ZNF573: variants seen among roughly 807,000 people sequenced by gnomAD.
ZNF573 encodes the protein zinc finger protein 573.
In ZNF573, 41 loss-of-function variants were observed where a neutral mutation model predicts 57.4. The observed-to-expected ratio is 0.71, with a 90% CI of 0.56 to 0.93. The LOEUF (loss-of-function observed/expected upper bound fraction) is 0.93. Among genes scored for constraint, ZNF573 ranks in the 40% least tolerant of loss-of-function variants. ZNF573 has a pLI of 0.00. For missense variants in ZNF573, 730 were observed against 794.8 expected, an observed-to-expected ratio of 0.92 and a Z score of 0.98; for synonymous variants, 249 against 261.0, an observed-to-expected ratio of 0.95 and a Z score of 0.44.
At chr19:37,745,437 G>A (rs1462795791) in intron 4 of ZNF573, among the ~76,000 whole-genome samples, 1 of 150,764 alleles carries the variant, frequency 6.6e-6, no homozygotes, top group African/African-American at 2.4e-5. Flanking sequence ...TGGCTCTGTT[G>A]CCCAGGCTGG....
At chr19:37,772,747 C>A (rs2045670699) in intron 2 of ZNF573, among the ~76,000 whole-genome samples, 1 of 151,968 alleles carries the variant, frequency 6.6e-6, no homozygotes, top group Admixed American at 6.6e-5. Context: ...AATCCTCCTG[C>A]CATAGCCTCC....
In ZNF573 at chr19:37,758,138, A is replaced by G. The variant is rs189882892; in HGVS notation, c.295+11867T>C. Among the ~76,000 whole-genome samples the G allele has an allele frequency of 9.0e-3, 1,312 of 145,764 alleles. 6 individuals carry two copies. Among genetic ancestry groups the G allele is most frequent in the Non-Finnish European group, 0.014 (942 of 66,804 alleles). ...TGGGTGCAGCACACCAACATGGCAC[A>G]TGTATACATATGTAACAAACCTCCA... On this transcript the variant is annotated intron_variant, in intron 4 of 4. Transcript: ENST00000536220.
intron 1 of ZNF573, among the ~76,000 whole-genome samples, chr19:37,778,045 A>AAAAAAAAAG (rs71177476): frequency 7.2e-6 from 1 of 138,138 alleles, no homozygotes. Flanking sequence ...AAAAAAAAAA[A>AAAAAAAAAG]GTAATATTTA....
rs768752979 is a variant in ZNF573, at chr19:37,738,540, A to AC, written c.1949dup (p.Ser651PhefsTer4). On this transcript the variant is annotated frameshift_variant, in exon 5 of 5. Coordinates refer to ENST00000536220, the MANE Select transcript of ZNF573 (RefSeq NM_001172690.2). LOFTEE classifies it high-confidence loss of function. Reference sequence around the variant, plus strand: ...TTCTCTGATGGGCTTTAAGGGCTGAACCATATCTGAAGGTTTTCCCACACT... The same window carrying AC: ...TTCTCTGATGGGCTTTAAGGGCTGAACCCATATCTGAAGGTTTTCCCACACT... 1 of 1,570,122 alleles carries AC rather than the reference A, an allele frequency of 6.4e-7. No homozygotes were observed. The highest frequency in any genetic ancestry group is 1.2e-5 in the South Asian group (1 of 82,076).
intron 4 of ZNF573, among the ~76,000 whole-genome samples, chr19:37,763,859 T>C (rs1002161363): frequency 6.6e-6 from 1 of 150,622 alleles, no homozygotes; most frequent in Non-Finnish European, 1.5e-5. Context: ...AGTTTGGGAG[T>C]TCAAGACAAG....
At chr19:37,754,519 CAAAAA>C (rs11316334) in intron 4 of ZNF573, among the ~76,000 whole-genome samples, 1 of 85,556 alleles carries the variant, frequency 1.2e-5, no homozygotes, top group East Asian at 3.7e-4. Context: ...GACTCCACCT[CAAAAA>C]AAAAAAAAAA....
rs772940795 is a variant in ZNF573, at chr19:37,738,934, A to T, written c.1556T>A (p.Ile519Asn). 5 of 1,610,560 alleles carry T rather than the reference A, an allele frequency of 3.1e-6. No individual in the cohort carries two copies. In the East Asian group the frequency reaches 1.1e-4, roughly 36 times the overall value. The change falls in exon 5 of 5, where the codon ATT becomes AAT. Residue 519 changes from isoleucine (I) to asparagine (N), a missense_variant. Transcript: ENST00000536220. ...TTCATAGGGTTTCATACCAGTATGAATTTTCTGATGTTGATTAAGATATCC... is the reference window on the plus strand; with the variant it reads ...TTCATAGGGTTTCATACCAGTATGATTTTTCTGATGTTGATTAAGATATCC... ...LHGYLNQHQK[I>N]HTGMKPYECK...
rs1168793485 is a variant in ZNF573 at position 37,738,807 on chromosome 19, C to A, written c.1683G>T (p.Lys561Asn). ...TAAGGTGTGAACTACGTCTAAAGGT[C>A]TTCCCACATTCCTTACATTCAAAAG... ...EKPFECKECGKTFRRSSHLTA... is the reference protein window; with the variant it reads ...EKPFECKECGNTFRRSSHLTA... The change falls in exon 5 of 5, where the codon AAG (lysine) becomes AAT (asparagine). Residue 561 changes from lysine to asparagine, a missense_variant. Transcript: ENST00000536220. 2 of 1,613,846 alleles carry A rather than the reference C, an allele frequency of 1.2e-6. No homozygotes were observed. Among genetic ancestry groups the A allele is most frequent in the Non-Finnish European group, 1.7e-6 (2 of 1,180,004 alleles).
At chr19:37,745,633 T>C (rs1041109141) in intron 4 of ZNF573, among the ~76,000 whole-genome samples, 1 of 152,000 alleles carries the variant, frequency 6.6e-6, no homozygotes, top group Admixed American at 6.6e-5. Flanking sequence ...TGAACTCAAA[T>C]GATCTGCCCG....
intron 4 of ZNF573, among the ~76,000 whole-genome samples, chr19:37,744,634 G>C (rs1037178931): frequency 6.6e-6 from 1 of 151,348 alleles, no homozygotes; most frequent in Non-Finnish European, 1.5e-5. Context: ...CCAGATATTC[G>C]GGAGGGCAAG....
rs2045312697 is a variant in ZNF573, at chr19:37,740,115, C to T, written c.375G>A (p.Gln125=). Residue 125 remains glutamine, a synonymous_variant, in exon 5 of 5, where the codon CAG becomes CAA. Coordinates refer to ENST00000536220, the MANE Select transcript of ZNF573 (RefSeq NM_001172690.2). The stretch of plus-strand genomic sequence containing the variant: ...AGAGTTTCTCTCTCTTATATATGCT[C>T]TGAAGTTGTGTAGAGGATATATCTG... ...YETDISSTQL[Q]SIYKREKLYE... 1.9e-6 allele frequency: 3 copies of T among 1,613,704 alleles called. No homozygotes were observed. The highest frequency in any genetic ancestry group is 2.5e-6 in the Non-Finnish European group (3 of 1,179,904).
At chr19:37,755,072 CCATT>C (rs1455010412) in intron 4 of ZNF573, 1 of 152,338 alleles carries the variant, frequency 6.6e-6, no homozygotes, top group East Asian at 1.9e-4. Flanking sequence ...CGGGTTCACG[CCATT>C]CTCCTGCCTC....
At chr19:37,775,708 C>A in intron 1 of ZNF573, among the ~76,000 whole-genome samples, 1 of 151,764 alleles carries the variant, frequency 6.6e-6, no homozygotes. Flanking sequence ...CCAAAAAGCC[C>A]CTAGATCTGA....
chr19:37,764,300 AGTTTTTTTTTGTTTTTTTTTTTTGTT>A (rs754654183), intron 4 of ZNF573, among the ~76,000 whole-genome samples: 143 of 150,462 alleles, frequency 9.5e-4, no homozygotes, highest in South Asian at 4.2e-3. Flanking sequence ...GTATACTTAG[AGTTTTTTTTTGTTTTTTTTTTTTGTT>A]GTTTTTTTTT....
intron 1 of ZNF573, among the ~76,000 whole-genome samples, chr19:37,777,586 G>A: frequency 6.6e-6 from 1 of 152,120 alleles, no homozygotes; most frequent in South Asian, 2.1e-4. Context: ...ATGAGTGGAA[G>A]CTAAGCTATG....
At chr19:37,746,550 C>G (rs548800626) in intron 4 of ZNF573, among the ~76,000 whole-genome samples, 1 of 152,172 alleles carries the variant, frequency 6.6e-6, no homozygotes, top group African/African-American at 2.4e-5. Context: ...TGTAAGCATA[C>G]ATCGGCGAAT....
rs765746158 is a variant in ZNF573, at chr19:37,738,702, G to A, written c.1788C>T (p.Tyr596=). ...TATGAATTTTCTGATGTTGGGTAAGGTAGCCATACATTTTAAAGGCCTTTC... is the reference window on the plus strand; with the variant it reads ...TATGAATTTTCTGATGTTGGGTAAGATAGCCATACATTTTAAAGGCCTTTC... ...ECGKAFKMYG[Y]LTQHQKIHTG... The change falls in exon 5 of 5, where the codon TAC becomes TAT. Residue 596 remains tyrosine, a synonymous_variant. Transcript: ENST00000536220. 2 of 1,611,156 alleles carry A rather than the reference G, an allele frequency of 1.2e-6. No individual in the cohort carries two copies. Among genetic ancestry groups the A allele is most frequent in the Non-Finnish European group, 1.7e-6 (2 of 1,179,026 alleles).
chr19:37,739,738 C>A lies in ZNF573; in HGVS notation c.752G>T (p.Cys251Phe), dbSNP rs1205975085. The A allele has an allele frequency of 1.2e-6, 2 of 1,613,886 alleles. No homozygotes were observed. The highest frequency in any genetic ancestry group is 3.3e-5 in the Admixed American group (2 of 60,008). The change falls in exon 5 of 5, where the codon TGT becomes TTT. Residue 251 changes from cysteine (C) to phenylalanine (F), a missense_variant. By Grantham distance (205) the Cys-to-Phe change is radical. Transcript: ENST00000536220. ...TCCACCTTGACTAAAGGCCCTCCCA[C>A]ACTCCTGACATTCATACGGCTTCCC... ...TGGKPYECQECGRAFSQGGHL... is the reference protein window; with the variant it reads ...TGGKPYECQEFGRAFSQGGHL...
In ZNF573 at chr19:37,739,319, A is replaced by G. The variant is rs1438204596; in HGVS notation, c.1171T>C (p.Cys391Arg). Residue 391 changes from cysteine (C) to arginine (R), a missense_variant, in exon 5 of 5, where the codon TGT becomes CGT. Cys to Arg is a radical substitution (Grantham distance 180). Transcript: ENST00000536220. Reference sequence around the variant, plus strand: ...GAACCAGTAGTATAGGTCTTCCCACATTGCTTGCATTCAAAAAGTTTCTCA... The same window carrying G: ...GAACCAGTAGTATAGGTCTTCCCACGTTGCTTGCATTCAAAAAGTTTCTCA... ...TGEKLFECKQCGKTYTTGSKL... is the reference protein window; with the variant it reads ...TGEKLFECKQRGKTYTTGSKL... 1 of 1,613,842 alleles carries G rather than the reference A, an allele frequency of 6.2e-7. No homozygotes were observed. Among genetic ancestry groups the G allele is most frequent in the East Asian group, 2.2e-5 (1 of 44,870 alleles).
Sources: allele counts gnomAD v4.1 joint callset (sites outside exome capture counted in the v4.1 genomes callset), GRCh38; gene constraint gnomAD v4.1.1; transcripts MANE v1.5; gene names NCBI Gene and HGNC (gene_info 2026-07-23, HGNC 2026-07-21).